The following CRTC1 variants were observed in gnomAD, a reference collection of about 807,000 sequenced individuals.
The protein encoded by CRTC1 is CREB-regulated transcription coactivator 1.
A neutral mutation model predicts 66.1 loss-of-function variants in CRTC1; 18 were observed. The observed-to-expected ratio is 0.27, with a 90% CI of 0.19 to 0.40. The LOEUF (loss-of-function observed/expected upper bound fraction) is 0.40. Ranked by LOEUF, CRTC1 falls within the 10% of genes least tolerant of loss-of-function variation. The pLI, the probability that CRTC1 is intolerant of heterozygous loss-of-function variation, is 1.00. For synonymous variants in CRTC1, 416 were observed against 398.8 expected, an observed-to-expected ratio of 1.04 and a Z score of -0.51; for missense variants, 669 against 887.9, an observed-to-expected ratio of 0.75 and a Z score of 3.13.
At chr19:18,774,755 T>C in intron 11 of CRTC1, 145 bp from the exon 12 acceptor site, 1 of 736,214 alleles carries the variant, frequency 1.4e-6, no homozygotes, top group South Asian at 1.7e-5. Context: ...GGGGCACTTC[T>C]GGAACCCCAA....
chr19:18,739,942 GA>G (rs1259272747), intron 1 of CRTC1, among the ~76,000 whole-genome samples: 2 of 152,144 alleles, frequency 1.3e-5, no homozygotes, highest in African/African-American at 4.8e-5. Flanking sequence ...TTATTGCAGC[GA>G]AAGGACACAT....
intron 1 of CRTC1, among the ~76,000 whole-genome samples, chr19:18,698,579 C>T (rs954700750): frequency 2.0e-5 from 3 of 148,546 alleles, no homozygotes; most frequent in Middle Eastern, 3.7e-3. Flanking sequence ...ACTCAGCAGG[C>T]GCACAGTGTA....
intron 1 of CRTC1, among the ~76,000 whole-genome samples, chr19:18,697,444 G>A (rs2053019241): frequency 6.6e-6 from 1 of 152,172 alleles, no homozygotes. Context: ...TGAATAGCTG[G>A]GATTACAAGC....
intron 1 of CRTC1, among the ~76,000 whole-genome samples, chr19:18,736,921 A>G (rs1408249196): frequency 1.3e-5 from 2 of 152,150 alleles, no homozygotes; most frequent in Admixed American, 6.5e-5. Flanking sequence ...GAGCCCCAGG[A>G]AGGGCTGGCA....
At chr19:18,705,967 C>CTT (rs71336689) in intron 1 of CRTC1, among the ~76,000 whole-genome samples, 2,226 of 122,240 alleles carry the variant, frequency 0.018, 73 homozygotes, top group African/African-American at 0.063. Flanking sequence ...CTCTCTCTCT[C>CTT]TTTTTTTTTT....
At chr19:18,745,265 G>A (rs945923900) in intron 2 of CRTC1, among the ~76,000 whole-genome samples, 12 of 152,168 alleles carry the variant, frequency 7.9e-5, no homozygotes, top group African/African-American at 2.9e-4. Flanking sequence ...GCGGGGGAGG[G>A]TGTGTGGGGG....
chr19:18,696,389 A>G (rs1310710069), intron 1 of CRTC1, among the ~76,000 whole-genome samples: 1 of 152,132 alleles, frequency 6.6e-6, no homozygotes, highest in Non-Finnish European at 1.5e-5. Context: ...TGGCAATGTG[A>G]GTGACAGTGG....
Position 18,779,081 on chromosome 19 carries a change from TGGAATA to T in CRTC1, c.*1704_*1709del, listed in dbSNP as rs1436619234. The stretch of plus-strand genomic sequence containing the variant: ...GGCTGGCTTTGTTTTCTGCTGTTCT[TGGAATA>T]GGAACTGCTGTTCTGATCCCCCCAA... On this transcript the variant is annotated 3_prime_UTR_variant, in exon 14 of 14. Transcript: ENST00000321949. 1.3e-5 allele frequency: 3 copies of T among 232,502 alleles called. No individual in the cohort carries two copies. The highest frequency in any genetic ancestry group is 4.4e-5 in the African/African-American group (2 of 45,318). 14.4% of individuals were successfully genotyped at this position (232,502 alleles called of 1,614,324 possible).
intron 6 of CRTC1, among the ~76,000 whole-genome samples, chr19:18,754,883 G>A (rs2054449834): frequency 6.6e-6 from 1 of 152,164 alleles, no homozygotes; most frequent in African/African-American, 2.4e-5. Context: ...TTCTGTCGTG[G>A]TGAGTGTGGG....
chr19:18,768,470 T>C lies in CRTC1; in HGVS notation c.1012-15T>C. ...AACCAGGGCCCGCCCTGCCTGACGC[T>C]CTCCTCTCCTGCAGGCTGTAGCCAT... On this transcript the variant is annotated splice_polypyrimidine_tract_variant and intron_variant, in intron 9 of 13. Coordinates refer to ENST00000321949, the MANE Select transcript of CRTC1 (RefSeq NM_015321.3). This position sits in a 1 kb window ranked among gnomAD's most constrained non-coding sequence, Gnocchi z 5.6. 1 of 1,605,558 alleles carries C rather than the reference T, an allele frequency of 6.2e-7. No individual in the cohort carries two copies. Among genetic ancestry groups the C allele is most frequent in the Non-Finnish European group, 8.5e-7 (1 of 1,177,990 alleles).
chr19:18,777,580 C>T lies in CRTC1; in HGVS notation c.*198C>T. The T allele has an allele frequency of 1.8e-6, 1 of 562,826 alleles. No homozygotes were observed. The highest frequency in any genetic ancestry group is 3.2e-5 in the East Asian group (1 of 31,168). The allele number at this position is 562,826 out of a possible 1,614,324, so 34.9% of individuals were successfully genotyped here. A position where few individuals can be genotyped will look rare whatever the true frequency, so the allele number is the denominator to read the frequency against. On this transcript the variant is annotated 3_prime_UTR_variant, in exon 14 of 14. Coordinates refer to ENST00000321949, the MANE Select transcript of CRTC1 (RefSeq NM_015321.3). The surrounding 1 kb of genome is among the most constrained non-coding windows in gnomAD (Gnocchi z 5.5). ...GCGAGGCCGCGAGCCGGGCCGTCCA[C>T]CCACCCGCCCGCCCAGGGCTGGGCT...
rs753149619 is a variant in CRTC1 at position 18,774,990 on chromosome 19, AGCGG to A, written c.1512+8_1512+11del. The A allele has an allele frequency of 6.2e-7, 1 of 1,603,134 alleles. No homozygotes were observed. On this transcript the variant is annotated splice_donor_5th_base_variant and intron_variant, in intron 12 of 13. Transcript: ENST00000321949. ...GGCCAATGCTCTGTCCCACCAGGTG[AGCGG>A]GCGCCCAGGCTGCCAGCCGGCCGGT... is the stretch of plus-strand genomic sequence containing the variant.
chr19:18,695,866 A>AAAAC (rs575316290), intron 1 of CRTC1, among the ~76,000 whole-genome samples: 10 of 152,230 alleles, frequency 6.6e-5, no homozygotes, highest in East Asian at 1.9e-4. Context: ...CTTCATCTCA[A>AAAAC]AAACAAACAA....
intron 1 of CRTC1, among the ~76,000 whole-genome samples, chr19:18,711,797 T>G (rs776093820): frequency 5.3e-5 from 8 of 152,212 alleles, no homozygotes; most frequent in Non-Finnish European, 1.2e-4. Context: ...TATACACATG[T>G]GGGACCGTGG....
rs571866884 is a variant in CRTC1 at position 18,730,520 on chromosome 19, C to G, written c.127-12390C>G. The stretch of plus-strand genomic sequence containing the variant: ...AGTCACCGGCTGGGTGTTCGCCGCT[C>G]CTTGTGCTGTCCTGGTTTGGGCTTC... On this transcript the variant is annotated intron_variant, in intron 1 of 13. Coordinates refer to ENST00000321949, the MANE Select transcript of CRTC1 (RefSeq NM_015321.3). Among the ~76,000 whole-genome samples, 4 of 152,238 alleles carry G rather than the reference C, an allele frequency of 2.6e-5. No homozygotes were observed. The East Asian group carries it at 7.7e-4, about 29-fold the overall frequency.
Position 18,742,906 on chromosome 19 carries a change from G to T in CRTC1, c.127-4G>T, listed in dbSNP as rs374969669. 1.2e-6 allele frequency: 2 copies of T among 1,611,308 alleles called. No individual in the cohort carries two copies. Among genetic ancestry groups the T allele is most frequent in the East Asian group, 2.2e-5 (1 of 44,864 alleles). On this transcript the variant is annotated splice_region_variant and splice_polypyrimidine_tract_variant and intron_variant, in intron 1 of 13. Coordinates refer to ENST00000321949, the MANE Select transcript of CRTC1 (RefSeq NM_015321.3). ...TCCCGCAGCTGCTGGCTTCTCTCTC[G>T]CAGCTCCAGCTCCAGAAATCCCAGT...
Position 18,691,870 on chromosome 19 carries a change from C to T in CRTC1, c.126+8042C>T, listed in dbSNP as rs143216138. Among the ~76,000 whole-genome samples the T allele has an allele frequency of 1.2e-3, 177 of 152,164 alleles. 2 individuals carry two copies. The highest frequency in any genetic ancestry group is 2.7e-3 in the African/African-American group (113 of 41,524). On this transcript the variant is annotated intron_variant, in intron 1 of 13. Transcript: ENST00000321949. ...CTGGGATTACAGGCTCCTGCCACCA[C>T]GCCTGGGTAATTTTTGTATTTTCAG... is the stretch of plus-strand genomic sequence containing the variant.
intron 11 of CRTC1, among the ~76,000 whole-genome samples, chr19:18,773,229 C>A (rs2054909597): frequency 6.6e-6 from 1 of 152,092 alleles, no homozygotes; most frequent in Admixed American, 6.5e-5. Context: ...CCTGCCTTCC[C>A]TCTGCACTGG....
chr19:18,688,869 G>C (rs2052754262), intron 1 of CRTC1, among the ~76,000 whole-genome samples: 1 of 152,092 alleles, frequency 6.6e-6, no homozygotes, highest in African/African-American at 2.4e-5. Context: ...CCCAGAAAGA[G>C]ACCCTGTCCC....
Sources: gnomAD v4.1 joint callset for allele counts (sites outside exome capture counted in the v4.1 genomes callset) on GRCh38, gnomAD v4.1.1 for gene constraint, Gnocchi (gnomAD v3.1) non-coding constraint, MANE v1.5 for transcripts, NCBI Gene and HGNC (gene_info 2026-07-23, HGNC 2026-07-21) for gene names.